LRRC49: variants seen among roughly 807,000 people sequenced by gnomAD.
LRRC49 encodes the protein leucine rich repeat containing 49, also known as leucine-rich repeat-containing protein 49.
A neutral mutation model predicts 83.3 loss-of-function variants in LRRC49; 50 were observed. The observed-to-expected ratio is 0.60, with a 90% CI of 0.48 to 0.76. The LOEUF is 0.76. Among genes scored for constraint, LRRC49 ranks in the 30% least tolerant of loss-of-function variants. The pLI is 0.00. For missense variants in LRRC49, 704 were observed against 809.1 expected, an observed-to-expected ratio of 0.87 and a Z score of 1.58; for synonymous variants, 286 against 283.3, an observed-to-expected ratio of 1.01 and a Z score of -0.10.
At position 70,894,360 on chromosome 15, in the gene LRRC49, T is replaced by A. The variant is rs562908947; in HGVS notation, c.105+720T>A. On this transcript the variant is annotated intron_variant, in intron 2 of 15. Transcript: ENST00000260382. ...GTAATTGGGAGGGCATATCCACACATCCCATTTAAAATCAGGGAAGAAAAA... is the reference window on the plus strand; with the variant it reads ...GTAATTGGGAGGGCATATCCACACAACCCATTTAAAATCAGGGAAGAAAAA... 2.1e-4 allele frequency among the ~76,000 whole-genome samples: 32 copies of A among 152,136 alleles called. No homozygotes were observed. In the South Asian group the frequency reaches 6.2e-3, roughly 30 times the overall value.
At chr15:71,002,648 T>G (rs548588154) in intron 11 of LRRC49, among the ~76,000 whole-genome samples, 2 of 152,238 alleles carry the variant, frequency 1.3e-5, no homozygotes, top group South Asian at 4.1e-4. Context: ...TTCACACCTA[T>G]GAATGTTGTA....
At chr15:70,946,949 A>G (rs2036029844) in intron 8 of LRRC49, among the ~76,000 whole-genome samples, 1 of 152,138 alleles carries the variant, frequency 6.6e-6, no homozygotes, top group Non-Finnish European at 1.5e-5. Flanking sequence ...GAAATAGACA[A>G]TGTCAATTAT....
intron 14 of LRRC49, among the ~76,000 whole-genome samples, chr15:71,019,166 T>C (rs2038917321): frequency 6.6e-6 from 1 of 152,106 alleles, no homozygotes; most frequent in South Asian, 2.1e-4. Flanking sequence ...TCATTGGCTA[T>C]TGGTAATCAA....
intron 6 of LRRC49, among the ~76,000 whole-genome samples, chr15:70,915,629 C>T (rs2034741030): frequency 6.6e-6 from 1 of 152,128 alleles, no homozygotes; most frequent in Non-Finnish European, 1.5e-5. Flanking sequence ...TTACTGATTA[C>T]TTTTTCTACA....
At chr15:70,963,994 A>G (rs2036704088) in intron 9 of LRRC49, 62 bp downstream of exon 9, 2 of 1,501,708 alleles carry the variant, frequency 1.3e-6, no homozygotes, top group East Asian at 4.6e-5. Flanking sequence ...GGAAATTGGG[A>G]TGCATATTCT....
At chr15:70,983,354 G>T (rs1280380199) in intron 10 of LRRC49, among the ~76,000 whole-genome samples, 1 of 152,060 alleles carries the variant, frequency 6.6e-6, no homozygotes, top group African/African-American at 2.4e-5. Context: ...ATACTTAGGA[G>T]AATTCAAATT....
At chr15:70,947,489 GA>G (rs546421397) in intron 8 of LRRC49, among the ~76,000 whole-genome samples, 8 of 150,884 alleles carry the variant, frequency 5.3e-5, no homozygotes, top group African/African-American at 1.5e-4. Context: ...ACAGAAACAT[GA>G]AAAAAAAACC....
In LRRC49 at chr15:71,037,285, G is replaced by C; in HGVS notation, c.1810G>C (p.Ala604Pro). 1.9e-6 allele frequency: 3 copies of C among 1,609,376 alleles called. No individual in the cohort carries two copies. Among genetic ancestry groups the C allele is most frequent in the African/African-American group, 1.3e-5 (1 of 74,770 alleles). The change falls in exon 15 of 16, where the codon GCT becomes CCT. Residue 604 changes from alanine (A) to proline (P), a missense_variant. Coordinates refer to ENST00000260382, the MANE Select transcript of LRRC49 (RefSeq NM_017691.5). ...ACTTGTAGGAGAAAACACAAATCGT[G>C]CTACATTAAATTATACTACAAGAGA... is the stretch of plus-strand genomic sequence containing the variant. The part of the protein sequence containing the change: ...KRLVGENTNR[A>P]TLNYTTRDFY...
At chr15:70,982,169 G>T (rs2141224088) in intron 10 of LRRC49, among the ~76,000 whole-genome samples, 1 of 152,024 alleles carries the variant, frequency 6.6e-6, no homozygotes, top group East Asian at 1.9e-4. Context: ...CATACTCAGT[G>T]GTCTAAAGAT....
intron 8 of LRRC49, among the ~76,000 whole-genome samples, chr15:70,943,223 G>A (rs540828338): frequency 4.6e-5 from 7 of 152,084 alleles, no homozygotes; most frequent in African/African-American, 1.7e-4. Flanking sequence ...TATAGAACTA[G>A]AGTAGTATAT....
intron 11 of LRRC49, among the ~76,000 whole-genome samples, chr15:71,001,123 TA>T (rs1441805351): frequency 6.6e-6 from 1 of 152,224 alleles, no homozygotes; most frequent in Non-Finnish European, 1.5e-5. Flanking sequence ...TTTGTCTTCC[TA>T]AAGTTTTAAC....
intron 2 of LRRC49, among the ~76,000 whole-genome samples, chr15:70,880,595 T>C (rs1461949191): frequency 2.6e-5 from 4 of 152,240 alleles, no homozygotes; most frequent in African/African-American, 4.8e-5. Context: ...ATACGTCATT[T>C]AAAATAAAGC....
At chr15:71,032,585 T>C (rs1220028034) in intron 14 of LRRC49, among the ~76,000 whole-genome samples, 2 of 152,138 alleles carry the variant, frequency 1.3e-5, no homozygotes, top group Non-Finnish European at 2.9e-5. Context: ...CCAATATCCC[T>C]GATGATCATT....
At position 70,909,316 on chromosome 15, in the gene LRRC49, TAGTC is replaced by T. The variant is rs536771646; in HGVS notation, c.501-2212_501-2209del. 2.3e-4 allele frequency among the ~76,000 whole-genome samples: 35 copies of T among 152,266 alleles called. No individual in the cohort carries two copies. The East Asian group carries it at 5.4e-3, about 24-fold the overall frequency. ...AAGGAGAGTAAGAGGAACTCATAAA[TAGTC>T]AGTGTTTTTACAAGCACTCTGGGTG... On this transcript the variant is annotated intron_variant, in intron 5 of 15. Transcript: ENST00000260382.
At chr15:70,858,534 G>A (rs1028998584) in intron 1 of LRRC49, among the ~76,000 whole-genome samples, 4 of 152,226 alleles carry the variant, frequency 2.6e-5, no homozygotes, top group East Asian at 1.9e-4. Flanking sequence ...AACCCGGGAC[G>A]TGGAGGTTGC....
At chr15:70,871,609 G>A (rs961218704) in intron 1 of LRRC49, among the ~76,000 whole-genome samples, 6 of 152,074 alleles carry the variant, frequency 3.9e-5, no homozygotes, top group African/African-American at 1.4e-4. Flanking sequence ...CGGGGTGGCT[G>A]CCGGGCAGAG....
rs11634965 is a variant in LRRC49 at position 70,933,685 on chromosome 15, T to G, written c.712-3076T>G. 8.2e-3 allele frequency among the ~76,000 whole-genome samples: 1,243 copies of G among 152,328 alleles called. 6 individuals carry two copies. The highest frequency in any genetic ancestry group is 0.012 in the Non-Finnish European group (788 of 68,022). ...CACACTGCCTTGACATAGCCTTGGC[T>G]GTATCTTCGAAGGCAGAGACAGGAG... On this transcript the variant is annotated intron_variant, in intron 7 of 15. Coordinates refer to ENST00000260382, the MANE Select transcript of LRRC49 (RefSeq NM_017691.5).
chr15:70,900,996 C>G lies in LRRC49; in HGVS notation c.268C>G (p.Leu90Val). ...ILQRSSEEKILYSDRLSLERQ... is the reference protein window; with the variant it reads ...ILQRSSEEKIVYSDRLSLERQ... ...TCAACGTTCTTCTGAAGAGAAAATTCTTTACTCAGACAGGTTGAGCCTAGA... is the reference window on the plus strand; with the variant it reads ...TCAACGTTCTTCTGAAGAGAAAATTGTTTACTCAGACAGGTTGAGCCTAGA... The change falls in exon 4 of 16, where the codon CTT becomes GTT. Residue 90 changes from leucine (L) to valine (V), a missense_variant. Coordinates refer to ENST00000260382, the MANE Select transcript of LRRC49 (RefSeq NM_017691.5). The G allele has an allele frequency of 6.2e-7, 1 of 1,609,918 alleles. No homozygotes were observed. Among genetic ancestry groups the G allele is most frequent in the South Asian group, 1.1e-5 (1 of 90,450 alleles).
chr15:70,986,194 G>A (rs1249449774), intron 11 of LRRC49, among the ~76,000 whole-genome samples: 1 of 151,704 alleles, frequency 6.6e-6, no homozygotes, highest in Non-Finnish European at 1.5e-5. Context: ...GCTTGATGGG[G>A]ATGGCATTGA....
Sources: allele counts gnomAD v4.1 joint callset (sites outside exome capture counted in the v4.1 genomes callset), GRCh38; gene constraint gnomAD v4.1.1; transcripts MANE v1.5; gene names NCBI Gene and HGNC (gene_info 2026-07-23, HGNC 2026-07-21).